KCTD17: variants seen among roughly 807,000 people sequenced by gnomAD.
KCTD17 encodes potassium channel tetramerization domain containing 17.
In KCTD17, 20 loss-of-function variants were observed where a neutral mutation model predicts 41.5. The observed-to-expected ratio is 0.48, with a 90% CI of 0.34 to 0.70. The LOEUF (loss-of-function observed/expected upper bound fraction) is 0.70. KCTD17 is among the 30% of genes least tolerant of loss of function. KCTD17 has a pLI of 0.01. For synonymous variants in KCTD17, 156 were observed against 173.8 expected (o/e 0.90, Z 0.80); for missense variants, 317 against 427.2 (o/e 0.74, Z 2.27).
chr22:37,062,838 T>G lies in KCTD17; in HGVS notation c.*244T>G. ...GTCTCTCCGGCACCTGCGTCCCCTC[T>G]CCCGGGCTCCCCTGCTGCATGGTGG... On this transcript the variant is annotated 3_prime_UTR_variant, in exon 9 of 9. Transcript: ENST00000403888. 1.3e-6 allele frequency: 1 copy of G among 781,140 alleles called. No homozygotes were observed. The highest frequency in any genetic ancestry group is 1.9e-6 in the Non-Finnish European group (1 of 517,286). The allele number at this position is 781,140 out of a possible 1,614,324, so 48.4% of individuals were successfully genotyped here.
Position 37,052,961 on chromosome 22 carries a change from C to G in KCTD17, c.190-139C>G, listed in dbSNP as rs539672462. On this transcript the variant is annotated intron_variant, in intron 1 of 8. Transcript: ENST00000403888. ...GCTTGAACTCAGGTCCATCTGACCCCAGTGCCTTTTTGCTACTTTGTGCCT... is the reference window on the plus strand; with the variant it reads ...GCTTGAACTCAGGTCCATCTGACCCGAGTGCCTTTTTGCTACTTTGTGCCT... The G allele has an allele frequency of 9.1e-5, 60 of 658,712 alleles. No homozygotes were observed. In the East Asian group the frequency reaches 1.6e-3, roughly 18 times the overall value. 40.8% of individuals were successfully genotyped at this position (658,712 alleles called of 1,614,324 possible).
rs1414388922 is a variant in KCTD17 at position 37,060,885 on chromosome 22, G to A, written c.675G>A (p.Val225=). The A allele has an allele frequency of 6.5e-7, 1 of 1,540,582 alleles. No individual in the cohort carries two copies. The highest frequency in any genetic ancestry group is 8.8e-7 in the Non-Finnish European group (1 of 1,141,546). The change falls in exon 6 of 9, where the codon GTG becomes GTA. Residue 225 remains valine (V), a synonymous_variant. Transcript: ENST00000403888. The stretch of plus-strand genomic sequence containing the variant: ...AGGAGGAGGTGGAGGAGGTGGAGGT[G>A]GAACAGGTGCAGGTGGAGGCAGATG... ...QQEEEVEEVE[V]EQVQVEADAQ...
chr22:37,061,189 T>G lies in KCTD17; in HGVS notation c.784+14T>G, dbSNP rs1398626616. 6.4e-7 allele frequency: 1 copy of G among 1,550,836 alleles called. No individual in the cohort carries two copies. On this transcript the variant is annotated intron_variant, in intron 7 of 8. Coordinates refer to ENST00000403888, the MANE Select transcript of KCTD17 (RefSeq NM_001282684.2). The surrounding 1 kb of genome is among the most constrained non-coding windows in gnomAD (Gnocchi z 6.6). ...TTCCCGCTGGAGGTCCTGCCTCATC[T>G]TCATCCACCTCTTCTTCCTCCTGGA...
At chr22:37,052,159 A>C in intron 1 of KCTD17, 1 of 648,152 alleles carries the variant, frequency 1.5e-6, no homozygotes, top group Non-Finnish European at 2.4e-6. Flanking sequence ...GGGACGACGC[A>C]GGCCGCGGCC....
chr22:37,056,401 C>A lies in KCTD17; in HGVS notation c.380C>A (p.Thr127Lys). The part of the protein sequence containing the change: ...IKDRMEEKDY[T>K]VTQVPPKHVY... Reference sequence around the variant, plus strand: ...GACCGGATGGAAGAGAAGGACTACACGGTCACCCAGGTCGGGAGCAGGGGC... The same window carrying A: ...GACCGGATGGAAGAGAAGGACTACAAGGTCACCCAGGTCGGGAGCAGGGGC... The change falls in exon 3 of 9, where the codon ACG (threonine) becomes AAG (lysine). Residue 127 changes from threonine (T) to lysine (K), a missense_variant. This residue lies in a region of KCTD17 where 27 missense variants were observed against 24.0 expected (regional missense o/e 1.13). Transcript: ENST00000403888. The A allele has an allele frequency of 1.2e-6, 2 of 1,613,074 alleles. No homozygotes were observed. The highest frequency in any genetic ancestry group is 1.7e-6 in the Non-Finnish European group (2 of 1,179,386).
chr22:37,052,480 C>A, intron 1 of KCTD17: 2 of 458,760 alleles, frequency 4.4e-6, no homozygotes, highest in Non-Finnish European at 4.4e-6. Context: ...TGAGTCGGAC[C>A]CTTCCCTGCA....
In KCTD17 at chr22:37,053,309, C is replaced by A; in HGVS notation, c.298+101C>A. The A allele has an allele frequency of 1.1e-6, 1 of 883,950 alleles. No individual in the cohort carries two copies. The highest frequency in any genetic ancestry group is 1.7e-5 in the African/African-American group (1 of 60,280). The allele number at this position is 883,950 out of a possible 1,614,324, so 54.8% of individuals were successfully genotyped here. A position where few individuals can be genotyped will look rare whatever the true frequency, so the allele number is the denominator to read the frequency against. On this transcript the variant is annotated intron_variant, in intron 2 of 8. Coordinates refer to ENST00000403888, the MANE Select transcript of KCTD17 (RefSeq NM_001282684.2). This position sits in a 1 kb window ranked among gnomAD's most constrained non-coding sequence, Gnocchi z 4.1. ...GACAACCAGGACGGCCATCTGCCTG[C>A]TTGGTTGTTTCCTGCCTCTTCCCAG...
intron 2 of KCTD17, 90 bp from the exon 3 acceptor site, chr22:37,056,230 C>A: frequency 9.2e-7 from 1 of 1,085,594 alleles, no homozygotes; most frequent in Non-Finnish European, 1.4e-6. Context: ...GTGATCAGAG[C>A]GAGAGGTGGG....
rs554666980 is a variant in KCTD17, at chr22:37,056,067, C to T, written c.299-253C>T. Among the ~76,000 whole-genome samples, 8 of 152,290 alleles carry T rather than the reference C, an allele frequency of 5.3e-5. No individual in the cohort carries two copies. The South Asian group carries it at 1.7e-3, about 32-fold the overall frequency. ...CCCTAAAGCTGCCCCAGACGGTGGC[C>T]TGGCAGGTACCCCTGGGTCACCGCA... On this transcript the variant is annotated intron_variant, in intron 2 of 8. Transcript: ENST00000403888.
intron 1 of KCTD17, 72 bp downstream of exon 1, chr22:37,052,021 G>C: frequency 7.8e-7 from 1 of 1,287,692 alleles, no homozygotes; most frequent in Non-Finnish European, 9.8e-7. Flanking sequence ...TGTCGGGCCT[G>C]GCTCGCCCGC....
rs1290822601 is a variant in KCTD17, at chr22:37,061,019, T to C, written c.713-85T>C. Reference sequence around the variant, plus strand: ...GCTGCAGAACCGGGGGCCCCGGGGCTGCTGGGGGGGCACCAGGGTTAGCTC... The same window carrying C: ...GCTGCAGAACCGGGGGCCCCGGGGCCGCTGGGGGGGCACCAGGGTTAGCTC... On this transcript the variant is annotated intron_variant, in intron 6 of 8. Coordinates refer to ENST00000403888, the MANE Select transcript of KCTD17 (RefSeq NM_001282684.2). This position sits in a 1 kb window ranked among gnomAD's most constrained non-coding sequence, Gnocchi z 6.6. 6.5e-7 allele frequency: 1 copy of C among 1,548,710 alleles called. No individual in the cohort carries two copies. Among genetic ancestry groups the C allele is most frequent in the Admixed American group, 2.0e-5 (1 of 50,922 alleles).
At chr22:37,055,743 G>A (rs1267880122) in intron 2 of KCTD17, among the ~76,000 whole-genome samples, 1 of 152,202 alleles carries the variant, frequency 6.6e-6, no homozygotes, top group South Asian at 2.1e-4. Flanking sequence ...GGACACAAGG[G>A]TATGTGCTTA....
rs761372052 is a variant in KCTD17 at position 37,056,407 on chromosome 22, C to A, written c.386C>A (p.Thr129Asn). 4 of 1,612,846 alleles carry A rather than the reference C, an allele frequency of 2.5e-6. No individual in the cohort carries two copies. In the Admixed American group the frequency reaches 6.7e-5, roughly 27 times the overall value. The change falls in exon 3 of 9, where the codon ACC becomes AAC. Residue 129 changes from threonine (T) to asparagine (N), a missense_variant. Physicochemically the swap from Thr to Asn is moderately conservative, Grantham distance 65. Transcript: ENST00000403888. ...ATGGAAGAGAAGGACTACACGGTCA[C>A]CCAGGTCGGGAGCAGGGGCAGCACA... ...DRMEEKDYTV[T>N]QVPPKHVYRV...
intron 4 of KCTD17, among the ~76,000 whole-genome samples, chr22:37,057,764 A>T (rs1925316019): frequency 6.6e-6 from 1 of 152,176 alleles, no homozygotes; most frequent in Non-Finnish European, 1.5e-5. Flanking sequence ...CTGGGTGGTG[A>T]TCTATCTGGT....
At chr22:37,060,958 A>G (rs928052420) in intron 6 of KCTD17, 36 bp downstream of exon 6, 3 of 1,536,520 alleles carry the variant, frequency 2.0e-6, no homozygotes, top group Non-Finnish European at 2.6e-6. Flanking sequence ...TTGCTAAGCA[A>G]AGCCGGAGCC....
intron 3 of KCTD17, among the ~76,000 whole-genome samples, chr22:37,056,782 GCA>G (rs1173728246): frequency 6.6e-6 from 1 of 152,206 alleles, no homozygotes; most frequent in Admixed American, 6.5e-5. Context: ...AGAGGAAAAT[GCA>G]GGATTAGCAA....
chr22:37,052,005 C>A, intron 1 of KCTD17, 56 bp downstream of exon 1: 1 of 1,227,624 alleles, frequency 8.1e-7, no homozygotes, highest in Non-Finnish European at 1.0e-6. Flanking sequence ...TCGCCCGACG[C>A]GGGGCTGTCG....
At position 37,056,388 on chromosome 22, in the gene KCTD17, GAGA is replaced by G. The variant is rs1464042890; in HGVS notation, c.370_372del (p.Lys124del). ...CCGCATCATCAAAGACCGGATGGAA[GAGA>G]AGGACTACACGGTCACCCAGGTCGG... On this transcript the variant is annotated inframe_deletion, in exon 3 of 9. Coordinates refer to ENST00000403888, the MANE Select transcript of KCTD17 (RefSeq NM_001282684.2). 3 of 1,613,650 alleles carry G rather than the reference GAGA, an allele frequency of 1.9e-6. No individual in the cohort carries two copies. The highest frequency in any genetic ancestry group is 4.5e-5 in the East Asian group (2 of 44,900).
chr22:37,059,940 G>A lies in KCTD17; in HGVS notation c.612+502G>A, dbSNP rs368084723. On this transcript the variant is annotated intron_variant, in intron 5 of 8. Coordinates refer to ENST00000403888, the MANE Select transcript of KCTD17 (RefSeq NM_001282684.2). ...CCTGAGCCAGGATGAGGAAGCCACC[G>A]CTGTAAATCCTGCCCCTTTCCCAGG... is the stretch of plus-strand genomic sequence containing the variant. Among the ~76,000 whole-genome samples the A allele has an allele frequency of 2.6e-5, 4 of 152,308 alleles. No individual in the cohort carries two copies. In the East Asian group the frequency reaches 7.7e-4, roughly 29 times the overall value.
Sources: allele counts gnomAD v4.1 joint callset (sites outside exome capture counted in the v4.1 genomes callset), GRCh38; gene constraint gnomAD v4.1.1; regional missense constraint gnomAD v4.1.1; non-coding constraint Gnocchi (gnomAD v3.1); transcripts MANE v1.5; gene names NCBI Gene and HGNC (gene_info 2026-07-23, HGNC 2026-07-21).